Variants in MYO16 observed in about 807,000 individuals in gnomAD.
MYO16 encodes the protein unconventional myosin-XVI.
MYO16 carries 94 observed loss-of-function variants against 205.3 expected under a neutral mutation model. That is an observed-to-expected ratio of 0.46 (90% confidence interval 0.39 to 0.54). MYO16 has a LOEUF of 0.54. MYO16 is among the 20% of genes least tolerant of loss of function. The probability of loss-of-function intolerance (pLI) is 0.00; values close to 1 mark genes in which losing one functional copy is unlikely to be tolerated. For missense variants in MYO16, 2,315 were observed against 2,387.5 expected, an observed-to-expected ratio of 0.97 and a Z score of 0.63; for synonymous variants, 988 against 954.0, an observed-to-expected ratio of 1.04 and a Z score of -0.66.
chr13:108,626,080 A>G (rs947997702), upstream of MYO16, among the ~76,000 whole-genome samples: 3 of 152,166 alleles, frequency 2.0e-5, no homozygotes, highest in Non-Finnish European at 2.9e-5. Context: ...GAATCATTGC[A>G]GTTTCTTTTT....
intron 1 of MYO16, among the ~76,000 whole-genome samples, chr13:108,636,363 TTTTTTTTGTGTGTGTGTG>T (rs1437796067): frequency 1.3e-4 from 10 of 77,472 alleles, no homozygotes; most frequent in African/African-American, 4.7e-4. Context: ...TTTTTTTTTT[TTTTTTTTGTGTGTGTGTG>T]TGTGTGTGTG....
intron 12 of MYO16, among the ~76,000 whole-genome samples, chr13:108,880,256 A>G (rs1248643070): frequency 6.6e-6 from 1 of 152,114 alleles, no homozygotes; most frequent in East Asian, 1.9e-4. Flanking sequence ...TAGATTCTGG[A>G]TATTAGCCCT....
intron 16 of MYO16, among the ~76,000 whole-genome samples, chr13:108,914,284 G>A: frequency 6.6e-6 from 1 of 150,824 alleles, no homozygotes; most frequent in East Asian, 1.9e-4. Flanking sequence ...TATTAAGAAT[G>A]GCATTATTAT....
At chr13:108,782,724 T>C (rs1160205624) in intron 4 of MYO16, among the ~76,000 whole-genome samples, 1 of 152,114 alleles carries the variant, frequency 6.6e-6, no homozygotes, top group Admixed American at 6.5e-5. Context: ...CCTGGGGACT[T>C]GGTGCCATGT....
At chr13:108,727,241 C>T (rs142972446) in intron 3 of MYO16, among the ~76,000 whole-genome samples, 199 bp from the exon 4 acceptor site, 1 of 151,974 alleles carries the variant, frequency 6.6e-6, no homozygotes, top group Admixed American at 6.6e-5. Context: ...TCTGCTGTTC[C>T]TTGACCCAGT....
chr13:108,860,974 A>T (rs1878423417), intron 11 of MYO16, among the ~76,000 whole-genome samples: 1 of 152,208 alleles, frequency 6.6e-6, no homozygotes, highest in Non-Finnish European at 1.5e-5. Context: ...ATACTACATT[A>T]GTAAGGTCCT....
At chr13:109,018,809 A>G (rs7337349) in intron 22 of MYO16, among the ~76,000 whole-genome samples, 2,601 of 151,988 alleles carry the variant, frequency 0.017, 79 homozygotes, top group African/African-American at 0.06. Context: ...GCTTCAGCTC[A>G]CCCTCCATGG....
chr13:108,516,754 G>T, the MYO16 span, among the ~76,000 whole-genome samples: 1 of 152,034 alleles, frequency 6.6e-6, no homozygotes, highest in African/African-American at 2.4e-5. Flanking sequence ...TTTGTTTTGT[G>T]TGATTGTGAA....
At chr13:109,103,033 G>A (rs891136745) in intron 28 of MYO16, among the ~76,000 whole-genome samples, 1 of 152,042 alleles carries the variant, frequency 6.6e-6, no homozygotes, top group African/African-American at 2.4e-5. Context: ...GCTTCTTCAC[G>A]ATGTAACCTA....
chr13:108,628,405 CCAA>C (rs1879830090), upstream of MYO16, among the ~76,000 whole-genome samples: 1 of 152,086 alleles, frequency 6.6e-6, no homozygotes, highest in Non-Finnish European at 1.5e-5. Context: ...TCAATGAACA[CCAA>C]CAACAGAAAC....
chr13:108,797,860 A>G lies in MYO16; in HGVS notation c.741+4220A>G, dbSNP rs1316815319. 3.9e-5 allele frequency among the ~76,000 whole-genome samples: 6 copies of G among 152,254 alleles called. No homozygotes were observed. In the East Asian group the frequency reaches 1.2e-3, roughly 29 times the overall value. On this transcript the variant is annotated intron_variant, in intron 6 of 34. Transcript: ENST00000457511. ...ACCACTGCTAAATAAAAGAGCATACACACTTCAGTAGAGAAGCTATTGAAG... is the reference window on the plus strand; with the variant it reads ...ACCACTGCTAAATAAAAGAGCATACGCACTTCAGTAGAGAAGCTATTGAAG...
intron 1 of MYO16, among the ~76,000 whole-genome samples, chr13:108,611,972 C>CTTTTTT (rs201871787): frequency 6.0e-4 from 54 of 89,778 alleles, no homozygotes; most frequent in Non-Finnish European, 6.7e-4. Context: ...TTTTTTTTTT[C>CTTTTTT]TTTTTTTTTT....
chr13:109,033,035 G>T (rs543691126), intron 23 of MYO16, among the ~76,000 whole-genome samples: 1 of 152,204 alleles, frequency 6.6e-6, no homozygotes, highest in East Asian at 1.9e-4. Flanking sequence ...AAATTAAGGC[G>T]TATTTATAAG....
At chr13:108,664,315 G>T (rs1229750614) in intron 1 of MYO16, among the ~76,000 whole-genome samples, 1 of 152,262 alleles carries the variant, frequency 6.6e-6, no homozygotes. Context: ...TGGCATTAGA[G>T]AATCATGGTG....
intron 12 of MYO16, among the ~76,000 whole-genome samples, chr13:108,867,197 AC>A (rs1408929258): frequency 2.0e-5 from 3 of 151,584 alleles, no homozygotes; most frequent in Non-Finnish European, 4.4e-5. Flanking sequence ...ACAAAACAAA[AC>A]AAAACAAAAC....
At position 109,140,236 on chromosome 13, in the gene MYO16, C is replaced by T. The variant is rs751816831; in HGVS notation, c.4052-28C>T. On this transcript the variant is annotated intron_variant, in intron 31 of 34. Transcript: ENST00000457511. This position sits in a 1 kb window ranked among gnomAD's most constrained non-coding sequence, Gnocchi z 8.0. The stretch of plus-strand genomic sequence containing the variant: ...GGCACCCGTGGGCCTGGCCTGGCAC[C>T]CACTGACCGCGTCCTTTCCTGCCGC... 7.5e-5 allele frequency: 119 copies of T among 1,595,826 alleles called. No individual in the cohort carries two copies. Among genetic ancestry groups the T allele is most frequent in the Non-Finnish European group, 9.2e-5 (108 of 1,177,938 alleles).
chr13:108,609,016 T>C (rs75824763), intron 1 of MYO16, among the ~76,000 whole-genome samples: 1,835 of 152,230 alleles, frequency 0.012, 44 homozygotes, highest in South Asian at 0.087. Context: ...TTGAAGGACA[T>C]TGAAAGGTAC....
the MYO16 span, among the ~76,000 whole-genome samples, chr13:108,561,598 G>A: frequency 7.9e-5 from 12 of 152,126 alleles, no homozygotes; most frequent in African/African-American, 2.9e-4. Context: ...TAAAACTGTG[G>A]TTTTACATTA....
intron 28 of MYO16, among the ~76,000 whole-genome samples, chr13:109,117,847 G>T (rs157039): frequency 6.6e-6 from 1 of 151,944 alleles, no homozygotes; most frequent in African/African-American, 2.4e-5. Context: ...CAAATTTCAA[G>T]AAATATTTTT....
Sources: allele counts gnomAD v4.1 joint callset (sites outside exome capture counted in the v4.1 genomes callset), GRCh38; gene constraint gnomAD v4.1.1; non-coding constraint Gnocchi (gnomAD v3.1); transcripts MANE v1.5; gene names NCBI Gene and HGNC (gene_info 2026-07-23, HGNC 2026-07-21).